RUNX3: variants seen among roughly 807,000 people sequenced by gnomAD.
The protein encoded by RUNX3 is RUNX family transcription factor 3.
In RUNX3, 10 loss-of-function variants were observed where a neutral mutation model predicts 27.7. That is an observed-to-expected ratio of 0.36 (90% CI 0.22 to 0.61). The LOEUF is 0.61. Among genes scored for constraint, RUNX3 ranks in the 20% least tolerant of loss-of-function variants. The pLI, the probability that RUNX3 is intolerant of heterozygous loss-of-function variation, is 0.72. For missense variants in RUNX3, 469 were observed against 629.5 expected, an observed-to-expected ratio of 0.75 and a Z score of 2.73; for synonymous variants, 270 against 269.2, an observed-to-expected ratio of 1.00 and a Z score of -0.03.
chr1:24,907,551 C>T, intron 3 of RUNX3, 134 bp from the exon 4 acceptor site: 1 of 837,804 alleles, frequency 1.2e-6, no homozygotes, highest in Non-Finnish European at 1.8e-6. Flanking sequence ...GAGGTCACCG[C>T]CAGCCTCTTC....
rs549273632 is a variant in RUNX3 at position 24,945,769 on chromosome 1, A to G, written c.59-15917T>C. ...TCCTTTTCAGGGTATGTGCTTCCGC[A>G]TTCTCTGACTGCTGAACTCCTCCTC... On this transcript the variant is annotated intron_variant, in intron 2 of 6. Coordinates refer to the RUNX3 transcript ENST00000338888. 2.9e-4 allele frequency among the ~76,000 whole-genome samples: 44 copies of G among 152,112 alleles called. 1 individual carries two copies. Among genetic ancestry groups the G allele is most frequent in the Non-Finnish European group, 5.4e-4 (37 of 68,032 alleles).
At chr1:24,950,547 GC>G (rs909387682) in intron 2 of RUNX3, among the ~76,000 whole-genome samples, 12 of 152,250 alleles carry the variant, frequency 7.9e-5, no homozygotes, top group African/African-American at 2.9e-4. Flanking sequence ...TTAAATTCAA[GC>G]ACAGGAGGTG....
intron 2 of RUNX3, chr1:24,961,206 G>A (rs900323324): frequency 2.6e-5 from 4 of 152,380 alleles, no homozygotes; most frequent in Middle Eastern, 3.4e-3. Context: ...ACAAGCAGTC[G>A]GACTCTCCAG....
rs527567467 is a variant in RUNX3, at chr1:24,918,142, C to A, written c.544+1098G>T. The stretch of plus-strand genomic sequence containing the variant: ...TCAGCTCCAAGCCTTTCCCAAGTGG[C>A]CAGATGCTGGGATGGGCCCAGGAAT... On this transcript the variant is annotated intron_variant, in intron 3 of 4. Coordinates refer to ENST00000308873, the MANE Select transcript of RUNX3 (RefSeq NM_004350.3). 1.7e-3 allele frequency among the ~76,000 whole-genome samples: 252 copies of A among 152,270 alleles called. 2 individuals carry two copies. Among genetic ancestry groups the A allele is most frequent in the African/African-American group, 5.9e-3 (245 of 41,546 alleles).
At chr1:24,950,563 G>C (rs1478657826) in intron 2 of RUNX3, among the ~76,000 whole-genome samples, 1 of 152,200 alleles carries the variant, frequency 6.6e-6, no homozygotes, top group East Asian at 1.9e-4. Flanking sequence ...GAGGTGGGGG[G>C]GCCAGGTAGC....
intron 2 of RUNX3, among the ~76,000 whole-genome samples, chr1:24,959,287 C>T (rs1341417870): frequency 3.3e-5 from 5 of 152,190 alleles, no homozygotes; most frequent in East Asian, 3.9e-4. Flanking sequence ...TGTGTGGGGT[C>T]GGCTCATGCC....
At position 24,930,127 on chromosome 1, in the gene RUNX3, C is replaced by T; in HGVS notation, c.-259G>A. On this transcript the variant is annotated 5_prime_UTR_variant, in exon 1 of 5. Transcript: ENST00000308873. The surrounding 1 kb of genome is among the most constrained non-coding windows in gnomAD (Gnocchi z 4.1). ...CCTCGGCGCGCGGCCCCGCGTGCGG[C>T]CGCCCCTCGTGGCTGTCCCGGCTGC... 2.0e-6 allele frequency: 2 copies of T among 979,450 alleles called. No homozygotes were observed. Among genetic ancestry groups the T allele is most frequent in the Non-Finnish European group, 2.4e-6 (2 of 827,632 alleles). 60.7% of individuals were successfully genotyped at this position (979,450 alleles called of 1,614,324 possible).
intron 2 of RUNX3, among the ~76,000 whole-genome samples, chr1:24,922,109 C>A (rs1029371547): frequency 6.6e-6 from 1 of 152,080 alleles, no homozygotes; most frequent in Non-Finnish European, 1.5e-5. Context: ...CGCCACCATG[C>A]CCGGCTATTT....
chr1:24,961,352 G>C (rs1051105655), intron 2 of RUNX3: 4 of 152,254 alleles, frequency 2.6e-5, no homozygotes, highest in African/African-American at 9.7e-5. Context: ...AGACAAAAGG[G>C]AAGTCATCTT....
chr1:24,964,826 C>T, intron 1 of RUNX3: 1 of 921,028 alleles, frequency 1.1e-6, no homozygotes, highest in South Asian at 1.8e-5. Context: ...AAGTAAGTTT[C>T]TGTTTGTACC....
At chr1:24,929,249 C>G (rs1186525832) in intron 1 of RUNX3, 2 of 565,194 alleles carry the variant, frequency 3.5e-6, no homozygotes, top group Non-Finnish European at 6.7e-6. Context: ...TCCCGGGATC[C>G]TCTTCTCCGT....
intron 2 of RUNX3, among the ~76,000 whole-genome samples, chr1:24,952,584 G>T (rs1238817408): frequency 6.6e-6 from 1 of 152,224 alleles, no homozygotes; most frequent in Admixed American, 6.5e-5. Flanking sequence ...ATGGCAAGGG[G>T]AGTCAGAGCT....
Position 24,964,683 on chromosome 1 carries a change from A to AGG in RUNX3, c.-97-17_-97-16dup, listed in dbSNP as rs146887912. 4.0e-6 allele frequency: 6 copies of AGG among 1,513,034 alleles called. No individual in the cohort carries two copies. The South Asian group carries it at 4.9e-5, about 12-fold the overall frequency. The allele number at this position is 1,513,034 out of a possible 1,614,324, so 93.7% of individuals were successfully genotyped here. A position where few individuals can be genotyped will look rare whatever the true frequency, so the allele number is the denominator to read the frequency against. ...TCCTCTAGCTACTTTTGAAAATAAA[A>AGG]GGGGGGGGTGTTGCTTTTTGTTGTT... On this transcript the variant is annotated splice_polypyrimidine_tract_variant and intron_variant, in intron 1 of 6. Coordinates refer to the RUNX3 transcript ENST00000338888.
rs1316531361 is a variant in RUNX3, at chr1:24,901,012, GTTTTGTTTTTT to G, written c.*1099_*1109del. ...TTTTCTAAAATCAGTTTTAAAAACTGTTTTGTTTTTTTTTTGTTTTTTTGTTTTTTTTTTTT... is the reference window on the plus strand; with the variant it reads ...TTTTCTAAAATCAGTTTTAAAAACTGTTTTGTTTTTTTGTTTTTTTTTTTT... On this transcript the variant is annotated 3_prime_UTR_variant, in exon 5 of 5. Coordinates refer to ENST00000308873, the MANE Select transcript of RUNX3 (RefSeq NM_004350.3). 2.9e-5 allele frequency: 4 copies of G among 137,968 alleles called. No homozygotes were observed. Among genetic ancestry groups the G allele is most frequent in the Admixed American group, 7.1e-5 (1 of 14,146 alleles). The allele number at this position is 137,968 out of a possible 1,614,324, so 8.5% of individuals were successfully genotyped here.
chr1:24,964,726 C>T (rs1185392521), intron 1 of RUNX3: 2 of 1,471,952 alleles, frequency 1.4e-6, no homozygotes, highest in Non-Finnish European at 9.0e-7. Context: ...TTGTTTTTGT[C>T]TCTTTTTTCC....
intron 2 of RUNX3, among the ~76,000 whole-genome samples, chr1:24,956,865 C>G (rs11580845): frequency 0.69 from 105,368 of 152,118 alleles, 36,864 homozygotes; most frequent in South Asian, 0.78. Flanking sequence ...AGCGTTCCGT[C>G]CCCCAGATGC....
At chr1:24,945,962 G>C (rs1412047057) in intron 2 of RUNX3, among the ~76,000 whole-genome samples, 1 of 152,132 alleles carries the variant, frequency 6.6e-6, no homozygotes, top group Non-Finnish European at 1.5e-5. Flanking sequence ...ACCTCCCTGA[G>C]AACGGAGATG....
rs1641114765 is a variant in RUNX3 at position 24,927,171 on chromosome 1, G to A, written c.439+403C>T. ...TATTCTGCCCCCTATGGAGAGAGTG[G>A]CTGGGGTGCTTGGGCCCCACAGATC... is the stretch of plus-strand genomic sequence containing the variant. On this transcript the variant is annotated intron_variant, in intron 2 of 4. Coordinates refer to ENST00000308873, the MANE Select transcript of RUNX3 (RefSeq NM_004350.3). This position sits in a 1 kb window ranked among gnomAD's most constrained non-coding sequence, Gnocchi z 5.0. Among the ~76,000 whole-genome samples, 1 of 152,158 alleles carries A rather than the reference G, an allele frequency of 6.6e-6. No individual in the cohort carries two copies. Among genetic ancestry groups the A allele is most frequent in the Non-Finnish European group, 1.5e-5 (1 of 68,018 alleles).
At chr1:24,921,816 T>G (rs1641006253) in intron 2 of RUNX3, among the ~76,000 whole-genome samples, 1 of 152,182 alleles carries the variant, frequency 6.6e-6, no homozygotes, top group Non-Finnish European at 1.5e-5. Flanking sequence ...CACGGAGGAC[T>G]AATGGGTCCC....
Sources: allele counts gnomAD v4.1 joint callset (sites outside exome capture counted in the v4.1 genomes callset), GRCh38; gene constraint gnomAD v4.1.1; non-coding constraint Gnocchi (gnomAD v3.1); transcripts MANE v1.5; gene names NCBI Gene and HGNC (gene_info 2026-07-23, HGNC 2026-07-21).